CARMIL3: variants seen among roughly 807,000 people sequenced by gnomAD.
CARMIL3 encodes capping protein, Arp2/3 and myosin-I linker protein 3.
CARMIL3 carries 88 observed loss-of-function variants against 180.8 expected under a neutral mutation model. That is an observed-to-expected ratio of 0.49 (90% CI 0.41 to 0.58). The LOEUF is 0.58. CARMIL3 is among the 20% of genes least tolerant of loss of function. The probability of loss-of-function intolerance (pLI) is 0.00; values close to 1 mark genes in which losing one functional copy is unlikely to be tolerated. For synonymous variants in CARMIL3, 696 were observed against 714.5 expected (o/e 0.97, Z 0.41); for missense variants, 1,548 against 1,787.0 (o/e 0.87, Z 2.41).
At position 24,061,926 on chromosome 14, in the gene CARMIL3, C is replaced by A. The variant is rs1448920781; in HGVS notation, c.2480+254C>A. The stretch of plus-strand genomic sequence containing the variant: ...ACACACACATACCCACACAAATACA[C>A]CAGGAATGGGATAGCAGGGCCTCCT... On this transcript the variant is annotated intron_variant, in intron 27 of 39. Coordinates refer to ENST00000342740, the MANE Select transcript of CARMIL3 (RefSeq NM_138360.4). This position sits in a 1 kb window ranked among gnomAD's most constrained non-coding sequence, Gnocchi z 4.1. 8.8e-6 allele frequency: 4 copies of A among 454,676 alleles called. No individual in the cohort carries two copies. The East Asian group carries it at 1.5e-4, about 17-fold the overall frequency. 28.2% of individuals were successfully genotyped at this position (454,676 alleles called of 1,614,324 possible). A position where few individuals can be genotyped will look rare whatever the true frequency, so the allele number is the denominator to read the frequency against.
At chr14:24,066,791 T>A (rs1400292049) in intron 36 of CARMIL3, 135 bp downstream of exon 36, 2 of 886,774 alleles carry the variant, frequency 2.3e-6, no homozygotes, top group East Asian at 2.6e-5. Flanking sequence ...TGAAAATGTT[T>A]AAGGATATTT....
intron 36 of CARMIL3, among the ~76,000 whole-genome samples, chr14:24,067,225 C>T (rs1271211348): frequency 2.6e-5 from 4 of 152,232 alleles, no homozygotes. Flanking sequence ...GCCCCATGAC[C>T]GGAGGAGTAA....
chr14:24,052,177 C>T lies in CARMIL3; in HGVS notation c.24C>T (p.Leu8=), dbSNP rs140169242. The part of the protein sequence containing the change: MAKPSVE[L]TRELQDSIRR... ...CCATGGCCAAGCCCAGCGTGGAGCT[C>T]ACCCGCGAGTTGCAAGGTACGAGGC... The change falls in exon 1 of 40, where the codon CTC becomes CTT. Residue 8 remains leucine (L), a synonymous_variant. Transcript: ENST00000342740. 3.3e-5 allele frequency: 52 copies of T among 1,593,324 alleles called. No individual in the cohort carries two copies. In the African/African-American group the frequency reaches 3.7e-4, roughly 11 times the overall value.
Position 24,060,000 on chromosome 14 carries a change from C to G in CARMIL3, c.1899C>G (p.Pro633=), listed in dbSNP as rs61564890. ...SNHTLRFMSF[P]VSDISQAYRS... ...ACACGCTGCGCTTCATGTCCTTCCCCGTGAGCGACATCTCCCAAGCCTATC... is the reference window on the plus strand; with the variant it reads ...ACACGCTGCGCTTCATGTCCTTCCCGGTGAGCGACATCTCCCAAGCCTATC... Residue 633 remains proline, a synonymous_variant, in exon 23 of 40, where the codon CCC becomes CCG. Coordinates refer to ENST00000342740, the MANE Select transcript of CARMIL3 (RefSeq NM_138360.4). This position sits in a 1 kb window ranked among gnomAD's most constrained non-coding sequence, Gnocchi z 6.3. 80 of 1,613,834 alleles carry G rather than the reference C, an allele frequency of 5.0e-5. No individual in the cohort carries two copies. The highest frequency in any genetic ancestry group is 6.4e-5 in the Non-Finnish European group (75 of 1,180,032).
In CARMIL3 at chr14:24,056,951, C is replaced by G. The variant is rs368708836; in HGVS notation, c.989C>G (p.Pro330Arg). The G allele has an allele frequency of 5.6e-5, 90 of 1,614,016 alleles. 1 individual carries two copies. Among genetic ancestry groups the G allele is most frequent in the Non-Finnish European group, 7.3e-5 (86 of 1,180,020 alleles). ...QALGQTFGANPAFASSLRYLD... is the reference protein window; with the variant it reads ...QALGQTFGANRAFASSLRYLD... ...CTCGGCCAGACCTTCGGGGCAAACC[C>G]AGCATTTGCCAGCTCCCTTCGATAC... The change falls in exon 13 of 40, where the codon CCA becomes CGA. Residue 330 changes from proline to arginine, a missense_variant. Around this residue, in one of 4 missense-constraint regions of CARMIL3, gnomAD observed 578 missense variants for 666.5 expected, o/e 0.87. Transcript: ENST00000342740.
chr14:24,054,589 G>A lies in CARMIL3; in HGVS notation c.362+78G>A. The A allele has an allele frequency of 2.6e-6, 4 of 1,522,984 alleles. No individual in the cohort carries two copies. The highest frequency in any genetic ancestry group is 3.6e-6 in the Non-Finnish European group (4 of 1,111,552). 94.3% of individuals were successfully genotyped at this position (1,522,984 alleles called of 1,614,324 possible). A position where few individuals can be genotyped will look rare whatever the true frequency, so the allele number is the denominator to read the frequency against. On this transcript the variant is annotated intron_variant, in intron 5 of 39. Coordinates refer to ENST00000342740, the MANE Select transcript of CARMIL3 (RefSeq NM_138360.4). This position sits in a 1 kb window ranked among gnomAD's most constrained non-coding sequence, Gnocchi z 5.1. The stretch of plus-strand genomic sequence containing the variant: ...TCCCTTCCTCCTTCCCCTGGGCCAG[G>A]GCTGAGAAGGAGAGCTCTCATGTCC...
In CARMIL3 at chr14:24,060,167, G is replaced by T; in HGVS notation, c.1973G>T (p.Cys658Phe). The T allele has an allele frequency of 6.2e-7, 1 of 1,614,152 alleles. No individual in the cohort carries two copies. The highest frequency in any genetic ancestry group is 8.5e-7 in the Non-Finnish European group (1 of 1,180,032). Residue 658 changes from cysteine to phenylalanine, a missense_variant, in exon 24 of 40, where the codon TGC (cysteine) becomes TTC (phenylalanine). By Grantham distance (205) the Cys-to-Phe change is radical. Transcript: ENST00000342740. Reference sequence around the variant, plus strand: ...CCCCATCATCTCCAGATCCAATGGTGCTTAGTGAGGAACAACCACTCCCAG... The same window carrying T: ...CCCCATCATCTCCAGATCCAATGGTTCTTAGTGAGGAACAACCACTCCCAG... Reference protein sequence around the residue: ...TEDVWQKIQWCLVRNNHSQTC... With the variant: ...TEDVWQKIQWFLVRNNHSQTC...
chr14:24,052,056 CAGCGCCCGGGCCCTGCTGAAGCCGGGTCT>C lies in CARMIL3; in HGVS notation c.-94_-66del. The C allele has an allele frequency of 7.8e-7, 1 of 1,281,790 alleles. No individual in the cohort carries two copies. Among genetic ancestry groups the C allele is most frequent in the Non-Finnish European group, 1.0e-6 (1 of 977,302 alleles). The allele number at this position is 1,281,790 out of a possible 1,614,324, so 79.4% of individuals were successfully genotyped here. The stretch of plus-strand genomic sequence containing the variant: ...CGGGCTCGGCCGCTGCTGCAGCGCT[CAGCGCCCGGGCCCTGCTGAAGCCGGGTCT>C]AGCATGTGCCGCGGCTCCCCGGCGG... On this transcript the variant is annotated 5_prime_UTR_variant, in exon 1 of 40. Transcript: ENST00000342740.
chr14:24,062,234 TCTC>T (rs1161632641), intron 27 of CARMIL3: 12 of 576,158 alleles, frequency 2.1e-5, no homozygotes, highest in South Asian at 4.1e-5. Context: ...CCTTGCTCCT[TCTC>T]CTCGAATTCC....
At position 24,059,532 on chromosome 14, in the gene CARMIL3, C is replaced by G; in HGVS notation, c.1799+90C>G. On this transcript the variant is annotated intron_variant, in intron 21 of 39. Transcript: ENST00000342740. The surrounding 1 kb of genome is among the most constrained non-coding windows in gnomAD (Gnocchi z 6.3). ...CCTGCTTTCCTTGATGCTCTGGACC[C>G]CAGCTTCCAGAAGACCCCCAGCCCC... The G allele has an allele frequency of 6.6e-7, 1 of 1,517,764 alleles. No homozygotes were observed. 94.0% of individuals were successfully genotyped at this position (1,517,764 alleles called of 1,614,324 possible).
chr14:24,052,242 G>C, intron 1 of CARMIL3, 49 bp downstream of exon 1: 2 of 1,531,512 alleles, frequency 1.3e-6, no homozygotes, highest in Non-Finnish European at 8.8e-7. Context: ...GAGCATCCCA[G>C]ACCCAGCGCG....
rs1295390474 is a variant in CARMIL3 at position 24,063,468 on chromosome 14, A to T, written c.2914A>T (p.Arg972Trp). ...GCTGCCCACTCATGGTTACAAACTA[A>T]GGCATCAAACACAAGGGAGGCCCCG... Reference protein sequence around the residue: ...SELPTHGYKLRHQTQGRPRPP... With the variant: ...SELPTHGYKLWHQTQGRPRPP... Residue 972 changes from arginine to tryptophan, a missense_variant, in exon 31 of 40, where the codon AGG becomes TGG. Coordinates refer to ENST00000342740, the MANE Select transcript of CARMIL3 (RefSeq NM_138360.4). 1 of 1,613,834 alleles carries T rather than the reference A, an allele frequency of 6.2e-7. No homozygotes were observed. Among genetic ancestry groups the T allele is most frequent in the Non-Finnish European group, 8.5e-7 (1 of 1,180,016 alleles).
chr14:24,057,290 G>A (rs1422139474), intron 14 of CARMIL3, 46 bp downstream of exon 14: 2 of 1,572,000 alleles, frequency 1.3e-6, no homozygotes, highest in Admixed American at 1.7e-5. Context: ...ATTTGGGGAA[G>A]ACCACAGTGG....
rs754768565 is a variant in CARMIL3 at position 24,065,075 on chromosome 14, G to A, written c.3198G>A (p.Gly1066=). ...TTCGCCGGCCCCGGAGCTTCAAGGG[G>A]GACAGGGGGCCGGGGTCCCCTACCA... ...FHFRRPRSFK[G]DRGPGSPTTG... The change falls in exon 33 of 40, where the codon GGG becomes GGA. Residue 1066 remains glycine, a synonymous_variant. Coordinates refer to ENST00000342740, the MANE Select transcript of CARMIL3 (RefSeq NM_138360.4). The A allele has an allele frequency of 1.3e-6, 2 of 1,593,660 alleles. No homozygotes were observed. The highest frequency in any genetic ancestry group is 1.7e-6 in the Non-Finnish European group (2 of 1,172,464).
In CARMIL3 at chr14:24,056,942, G is replaced by A. The variant is rs372229387; in HGVS notation, c.980G>A (p.Gly327Glu). ...RGLQALGQTFGANPAFASSLR... is the reference protein window; with the variant it reads ...RGLQALGQTFEANPAFASSLR... The stretch of plus-strand genomic sequence containing the variant: ...CTCCAGGCACTCGGCCAGACCTTCG[G>A]GGCAAACCCAGCATTTGCCAGCTCC... Residue 327 changes from glycine (G) to glutamate (E), a missense_variant, in exon 13 of 40, where the codon GGG becomes GAG. Physicochemically the swap from Gly to Glu is moderately conservative, Grantham distance 98 (BLOSUM62 -2). Coordinates refer to ENST00000342740, the MANE Select transcript of CARMIL3 (RefSeq NM_138360.4). The A allele has an allele frequency of 5.3e-5, 86 of 1,613,960 alleles. No individual in the cohort carries two copies. The highest frequency in any genetic ancestry group is 6.9e-5 in the Non-Finnish European group (82 of 1,180,020).
chr14:24,056,890 C>A (rs763575990), intron 12 of CARMIL3, 25 bp from the exon 13 acceptor site: 1 of 1,610,864 alleles, frequency 6.2e-7, no homozygotes, highest in Non-Finnish European at 8.5e-7. Context: ...AGGGGCCAAC[C>A]CAGCCCAGTG....
intron 33 of CARMIL3, 131 bp from the exon 34 acceptor site, chr14:24,065,491 T>G (rs756053657): frequency 3.1e-5 from 42 of 1,368,654 alleles, no homozygotes; most frequent in Non-Finnish European, 4.1e-5. Context: ...GAAGGACTCT[T>G]CAGAGGGTCT....
intron 29 of CARMIL3, 64 bp downstream of exon 29, chr14:24,062,910 C>A: frequency 6.4e-7 from 1 of 1,558,388 alleles, no homozygotes; most frequent in Non-Finnish European, 8.7e-7. Context: ...CTGCACAACA[C>A]TGTCCCCTTC....
intron 8 of CARMIL3, 72 bp from the exon 9 acceptor site, chr14:24,055,471 T>C: frequency 6.4e-7 from 1 of 1,568,002 alleles, no homozygotes; most frequent in Non-Finnish European, 8.8e-7. Context: ...CCAACCACCC[T>C]ATCCTTGGTC....
Sources: gnomAD v4.1 joint callset for allele counts (sites outside exome capture counted in the v4.1 genomes callset) on GRCh38, gnomAD v4.1.1 for gene constraint, gnomAD v4.1.1 regional missense constraint, Gnocchi (gnomAD v3.1) non-coding constraint, MANE v1.5 for transcripts, NCBI Gene and HGNC (gene_info 2026-07-23, HGNC 2026-07-21) for gene names.